CRACDL: variants seen among roughly 807,000 people sequenced by gnomAD.
CRACDL encodes CRACD like, also known as CRACD-like protein.
Under a neutral mutation model 70.6 loss-of-function variants are expected in CRACDL, and 26 were observed. That is an observed-to-expected ratio of 0.37 (90% CI 0.27 to 0.51). The LOEUF (loss-of-function observed/expected upper bound fraction) is 0.51, where lower values mean the gene tolerates loss of function less well. CRACDL is among the 20% of genes least tolerant of loss of function. CRACDL has a pLI of 0.94. For synonymous variants in CRACDL, 618 were observed against 615.2 expected (o/e 1.00, Z -0.07); for missense variants, 1,283 against 1,376.9 (o/e 0.93, Z 1.08).
chr2:98,818,754 G>T (rs1442453319), intron 7 of CRACDL, among the ~76,000 whole-genome samples: 1 of 152,170 alleles, frequency 6.6e-6, no homozygotes, highest in African/African-American at 2.4e-5. Context: ...GGGAAAGTGT[G>T]GGGGCAGCTT....
intron 1 of CRACDL, among the ~76,000 whole-genome samples, chr2:98,900,840 TG>T (rs1708260108): frequency 4.6e-5 from 7 of 152,138 alleles, no homozygotes; most frequent in Admixed American, 3.9e-4. Flanking sequence ...ACAGCCTCGT[TG>T]GGCAGAGCAG....
chr2:98,843,389 T>C (rs1221616676), intron 2 of CRACDL, among the ~76,000 whole-genome samples: 1 of 152,228 alleles, frequency 6.6e-6, no homozygotes, highest in Non-Finnish European at 1.5e-5. Flanking sequence ...GACCATATTT[T>C]AAAGTTTTGA....
intron 1 of CRACDL, among the ~76,000 whole-genome samples, chr2:98,876,189 T>C (rs1172398431): frequency 6.6e-6 from 1 of 152,264 alleles, no homozygotes; most frequent in Non-Finnish European, 1.5e-5. Context: ...GCCTTTATTT[T>C]CTTAAATCGA....
intron 1 of CRACDL, among the ~76,000 whole-genome samples, chr2:98,854,559 T>C (rs1374887448): frequency 6.6e-6 from 1 of 152,024 alleles, no homozygotes; most frequent in African/African-American, 2.4e-5. Context: ...AGAGAAAATA[T>C]TCGTAAAAAA....
At chr2:98,804,855 C>A (rs937371109) in intron 7 of CRACDL, among the ~76,000 whole-genome samples, 1 of 152,174 alleles carries the variant, frequency 6.6e-6, no homozygotes, top group Non-Finnish European at 1.5e-5. Flanking sequence ...ACACAGGAAG[C>A]TAACCTTGCA....
In CRACDL at chr2:98,822,535, G is replaced by A; in HGVS notation, c.1738C>T (p.Arg580Ter). 1 of 1,462,142 alleles carries A rather than the reference G, an allele frequency of 6.8e-7. No individual in the cohort carries two copies. The highest frequency in any genetic ancestry group is 1.3e-5 in the South Asian group (1 of 76,686). The allele number at this position is 1,462,142 out of a possible 1,614,324, so 90.6% of individuals were successfully genotyped here. ...GAGACGCCCGGACGAGGCCGCGCTCGGCACGAGGACACCGAGAACTTCTTC... is the reference window on the plus strand; with the variant it reads ...GAGACGCCCGGACGAGGCCGCGCTCAGCACGAGGACACCGAGAACTTCTTC... ...GAKKFSVSSC[R>*]ARPRPGVSRP... Residue 580 changes from arginine (R) to a stop codon, truncating the protein, a stop_gained, in exon 7 of 10, where the codon CGA (arginine) becomes TGA (stop). Coordinates refer to ENST00000397899, the MANE Select transcript of CRACDL (RefSeq NM_207362.3). LOFTEE classifies it high-confidence loss of function. This position sits in a 1 kb window ranked among gnomAD's most constrained non-coding sequence, Gnocchi z 4.9.
intron 1 of CRACDL, among the ~76,000 whole-genome samples, chr2:98,886,388 A>G (rs1707796830): frequency 6.6e-6 from 1 of 152,234 alleles, no homozygotes; most frequent in Non-Finnish European, 1.5e-5. Context: ...GGGGCAAACA[A>G]CAGATTGTCT....
chr2:98,863,672 A>G, intron 1 of CRACDL, among the ~76,000 whole-genome samples: 1 of 152,210 alleles, frequency 6.6e-6, no homozygotes, highest in Non-Finnish European at 1.5e-5. Flanking sequence ...CAGTCAATAG[A>G]AACCATCCGT....
At chr2:98,922,947 G>A (rs1708838941) in intron 1 of CRACDL, among the ~76,000 whole-genome samples, 1 of 152,196 alleles carries the variant, frequency 6.6e-6, no homozygotes, top group African/African-American at 2.4e-5. Context: ...TTCACTAAGA[G>A]AGTTTAGTTA....
chr2:98,878,824 C>T (rs371356600), intron 1 of CRACDL, among the ~76,000 whole-genome samples: 12 of 152,168 alleles, frequency 7.9e-5, no homozygotes, highest in East Asian at 7.7e-4. Flanking sequence ...CCATTGAATG[C>T]GTATGGCTTT....
chr2:98,885,766 C>T (rs890174985), intron 1 of CRACDL, among the ~76,000 whole-genome samples: 1 of 152,166 alleles, frequency 6.6e-6, no homozygotes, highest in African/African-American at 2.4e-5. Flanking sequence ...CAAAACTGAT[C>T]TCTCTTGGTT....
chr2:98,910,032 G>T (rs549768769), intron 1 of CRACDL, among the ~76,000 whole-genome samples: 2 of 152,070 alleles, frequency 1.3e-5, no homozygotes, highest in East Asian at 3.9e-4. Context: ...CTCCCACATC[G>T]CACTTTCCCT....
At chr2:98,862,781 G>A (rs1706988613) in intron 1 of CRACDL, among the ~76,000 whole-genome samples, 1 of 151,916 alleles carries the variant, frequency 6.6e-6, no homozygotes, top group South Asian at 2.1e-4. Context: ...AGAAAATAGG[G>A]GATCTGTGAG....
chr2:98,924,223 G>C (rs1266397255), intron 1 of CRACDL, among the ~76,000 whole-genome samples: 1 of 152,156 alleles, frequency 6.6e-6, no homozygotes, highest in Non-Finnish European at 1.5e-5. Flanking sequence ...CTGACCAAGT[G>C]CAAGTCAGGA....
chr2:98,898,674 G>A (rs1028813103), intron 1 of CRACDL, among the ~76,000 whole-genome samples: 17 of 152,264 alleles, frequency 1.1e-4, no homozygotes, highest in Admixed American at 3.9e-4. Flanking sequence ...TGCCCTGAGC[G>A]TCTTTCTGAC....
chr2:98,889,086 C>A (rs1230363929), intron 1 of CRACDL, among the ~76,000 whole-genome samples: 1 of 149,334 alleles, frequency 6.7e-6, no homozygotes, highest in Non-Finnish European at 1.5e-5. Context: ...CGAGATCATG[C>A]CACTGCACTC....
At chr2:98,840,232 T>C (rs1436634704) in intron 2 of CRACDL, among the ~76,000 whole-genome samples, 3 of 152,214 alleles carry the variant, frequency 2.0e-5, no homozygotes, top group African/African-American at 7.2e-5. Context: ...AAATATTTTC[T>C]AACTTCTATT....
intron 1 of CRACDL, among the ~76,000 whole-genome samples, chr2:98,885,327 C>A (rs898811956): frequency 1.3e-5 from 2 of 152,158 alleles, no homozygotes; most frequent in Non-Finnish European, 2.9e-5. Context: ...TCTCTTTTAA[C>A]TTATGCCGAG....
intron 1 of CRACDL, among the ~76,000 whole-genome samples, chr2:98,852,008 A>T (rs112916664): frequency 2.6e-5 from 4 of 152,114 alleles, no homozygotes; most frequent in Non-Finnish European, 5.9e-5. Flanking sequence ...AGGGCTTTTG[A>T]CCTGGAAAAG....
Sources: gnomAD v4.1 joint callset for allele counts (sites outside exome capture counted in the v4.1 genomes callset) on GRCh38, gnomAD v4.1.1 for gene constraint, Gnocchi (gnomAD v3.1) non-coding constraint, MANE v1.5 for transcripts, NCBI Gene and HGNC (gene_info 2026-07-23, HGNC 2026-07-21) for gene names.